Variants in GRIK4 observed in about 807,000 individuals in gnomAD.
GRIK4 encodes glutamate ionotropic receptor kainate type subunit 4, also known as glutamate receptor ionotropic, kainate 4.
Under a neutral mutation model 104.9 loss-of-function variants are expected in GRIK4, and 40 were observed. The ratio of observed to expected loss-of-function variants is 0.38; its 90% CI spans 0.30 to 0.50. GRIK4 has a LOEUF of 0.50. GRIK4 is among the 20% of genes least tolerant of loss of function. GRIK4 has a pLI of 0.93. For synonymous variants in GRIK4, 485 were observed against 524.9 expected (o/e 0.92, Z 1.04); for missense variants, 1,047 against 1,308.1 (o/e 0.80, Z 3.08).
intron 3 of GRIK4, among the ~76,000 whole-genome samples, chr11:120,694,853 A>G (rs1262402829): frequency 2.6e-5 from 4 of 152,202 alleles, no homozygotes; most frequent in African/African-American, 4.8e-5. Context: ...AAAGAAGAAG[A>G]CAGGCAAGCA....
In GRIK4 at chr11:120,699,268, G is replaced by C. The variant is rs185922590; in HGVS notation, c.82+38868G>C. ...CTCCAAAGCCTGGATCAAATTGTCTGCTTTAAGGAAAGATCAAACTAGCTC... is the reference window on the plus strand; with the variant it reads ...CTCCAAAGCCTGGATCAAATTGTCTCCTTTAAGGAAAGATCAAACTAGCTC... On this transcript the variant is annotated intron_variant, in intron 3 of 20. Transcript: ENST00000527524. 4.2e-3 allele frequency among the ~76,000 whole-genome samples: 634 copies of C among 152,270 alleles called. 6 individuals carry two copies. Among genetic ancestry groups the C allele is most frequent in the Non-Finnish European group, 6.5e-3 (444 of 68,022 alleles).
At chr11:120,523,917 T>G (rs889250937) in intron 1 of GRIK4, among the ~76,000 whole-genome samples, 1 of 149,584 alleles carries the variant, frequency 6.7e-6, no homozygotes, top group Non-Finnish European at 1.5e-5. Flanking sequence ...GACTGTTTGC[T>G]TCTGCATTCT....
intron 3 of GRIK4, among the ~76,000 whole-genome samples, chr11:120,801,491 T>G (rs1401941645): frequency 6.6e-6 from 1 of 152,156 alleles, no homozygotes; most frequent in Non-Finnish European, 1.5e-5. Context: ...CCTTCCAAAG[T>G]GTTGGGATTA....
At chr11:120,972,732 G>C (rs906371243) in intron 19 of GRIK4, among the ~76,000 whole-genome samples, 1 of 152,132 alleles carries the variant, frequency 6.6e-6, no homozygotes, top group Non-Finnish European at 1.5e-5. Context: ...ACTTGTGCAG[G>C]GGCTGTGGGT....
At chr11:120,534,878 A>T (rs1947957278) in intron 1 of GRIK4, among the ~76,000 whole-genome samples, 1 of 152,128 alleles carries the variant, frequency 6.6e-6, no homozygotes. Flanking sequence ...AGGGATGAAG[A>T]GGTTAGGGTG....
chr11:120,743,801 T>C (rs1951382461), intron 3 of GRIK4, among the ~76,000 whole-genome samples: 1 of 152,258 alleles, frequency 6.6e-6, no homozygotes, highest in Non-Finnish European at 1.5e-5. Context: ...ACAAGTCAGC[T>C]AACGCTGTTG....
Position 120,917,098 on chromosome 11 carries a change from T to C in GRIK4, c.1476+11605T>C, listed in dbSNP as rs772794361. Among the ~76,000 whole-genome samples, 5 of 151,356 alleles carry C rather than the reference T, an allele frequency of 3.3e-5. No individual in the cohort carries two copies. The South Asian group carries it at 6.3e-4, about 19-fold the overall frequency. On this transcript the variant is annotated intron_variant, in intron 13 of 20. Coordinates refer to ENST00000527524, the MANE Select transcript of GRIK4 (RefSeq NM_014619.5). ...TCGTCTCTGATAAAAAATACAAAAA[T>C]TAGCTGGGCATGGTGGCGCATGCCT...
chr11:120,530,144 G>A (rs1468307644), intron 1 of GRIK4, among the ~76,000 whole-genome samples: 3 of 152,238 alleles, frequency 2.0e-5, no homozygotes, highest in Non-Finnish European at 2.9e-5. Flanking sequence ...GTGGAGAAAC[G>A]TCTGCCTTTG....
At chr11:120,926,443 TCA>T (rs1330934358) in intron 13 of GRIK4, among the ~76,000 whole-genome samples, 1 of 152,226 alleles carries the variant, frequency 6.6e-6, no homozygotes, top group South Asian at 2.1e-4. Context: ...TTTTGTGTAT[TCA>T]TTAATTTAAC....
intron 1 of GRIK4, chr11:120,620,059 A>G (rs2135162635): frequency 7.8e-6 from 5 of 641,912 alleles, no homozygotes; most frequent in Middle Eastern, 2.8e-4. Context: ...TACTTTTGAT[A>G]GCACATGTGA....
intron 7 of GRIK4, among the ~76,000 whole-genome samples, chr11:120,833,054 A>G (rs1457248713): frequency 6.6e-6 from 1 of 152,120 alleles, no homozygotes; most frequent in East Asian, 1.9e-4. Flanking sequence ...AGGAGCCCGC[A>G]GACACTCAGA....
intron 14 of GRIK4, among the ~76,000 whole-genome samples, chr11:120,947,921 G>T (rs542843565): frequency 3.9e-5 from 6 of 152,192 alleles, no homozygotes; most frequent in African/African-American, 1.4e-4. Flanking sequence ...CAGCCAGTAA[G>T]TGAAAATAGA....
chr11:120,920,068 C>A (rs1943194356), intron 13 of GRIK4, among the ~76,000 whole-genome samples: 1 of 152,030 alleles, frequency 6.6e-6, no homozygotes, highest in Non-Finnish European at 1.5e-5. Context: ...CCACCCCTGT[C>A]CTCACACTGC....
In GRIK4 at chr11:120,919,191, A is replaced by G. The variant is rs185269385; in HGVS notation, c.1476+13698A>G. The stretch of plus-strand genomic sequence containing the variant: ...AGTTGCCGGCAGAGGGAACGGTGTG[A>G]GGTCTGAAATGTATGCCAAGTTTAA... On this transcript the variant is annotated intron_variant, in intron 13 of 20. Transcript: ENST00000527524. Among the ~76,000 whole-genome samples the G allele has an allele frequency of 2.5e-3, 381 of 151,534 alleles. 2 individuals carry two copies. Among genetic ancestry groups the G allele is most frequent in the African/African-American group, 8.4e-3 (348 of 41,516 alleles).
At position 120,902,267 on chromosome 11, in the gene GRIK4, C is replaced by T. The variant is rs957864068; in HGVS notation, c.1273-3023C>T. Reference sequence around the variant, plus strand: ...ATCAGACCCCGTGTTCAGCGGTTTGCCACATTCTCACCTCGCGTTCACAGC... The same window carrying T: ...ATCAGACCCCGTGTTCAGCGGTTTGTCACATTCTCACCTCGCGTTCACAGC... On this transcript the variant is annotated intron_variant, in intron 12 of 20. Transcript: ENST00000527524. The surrounding 1 kb of genome is among the most constrained non-coding windows in gnomAD (Gnocchi z 4.5). 3.3e-5 allele frequency among the ~76,000 whole-genome samples: 5 copies of T among 152,092 alleles called. No homozygotes were observed. Among genetic ancestry groups the T allele is most frequent in the African/African-American group, 1.2e-4 (5 of 41,408 alleles).
Position 120,518,844 on chromosome 11 carries a change from C to A in GRIK4, c.-159+6957C>A, listed in dbSNP as rs149236689. ...CCATGGACCAGGCTGGTCTCAAACT[C>A]GTGACCTCAGGTGATCCGCCGGCCT... is the stretch of plus-strand genomic sequence containing the variant. On this transcript the variant is annotated intron_variant, in intron 1 of 20. Coordinates refer to ENST00000527524, the MANE Select transcript of GRIK4 (RefSeq NM_014619.5). Among the ~76,000 whole-genome samples, 3 of 152,278 alleles carry A rather than the reference C, an allele frequency of 2.0e-5. No homozygotes were observed. The East Asian group carries it at 5.8e-4, about 29-fold the overall frequency.
At chr11:120,645,310 G>A (rs931282144) in intron 1 of GRIK4, among the ~76,000 whole-genome samples, 3 of 152,220 alleles carry the variant, frequency 2.0e-5, no homozygotes, top group Non-Finnish European at 4.4e-5. Flanking sequence ...TGTGCCGGGT[G>A]ACTGATGTCT....
intron 14 of GRIK4, among the ~76,000 whole-genome samples, chr11:120,941,733 G>T (rs1168213544): frequency 6.6e-6 from 1 of 152,118 alleles, no homozygotes; most frequent in East Asian, 1.9e-4. Context: ...CAAGCCAAGG[G>T]ACACCGGGTA....
intron 2 of GRIK4, among the ~76,000 whole-genome samples, chr11:120,656,886 C>T (rs1357496077): frequency 1.3e-5 from 2 of 152,198 alleles, no homozygotes; most frequent in African/African-American, 2.4e-5. Flanking sequence ...ATCCACCAGT[C>T]TTTGGGGCCA....
Sources: allele counts gnomAD v4.1 joint callset (sites outside exome capture counted in the v4.1 genomes callset), GRCh38; gene constraint gnomAD v4.1.1; non-coding constraint Gnocchi (gnomAD v3.1); transcripts MANE v1.5; gene names NCBI Gene and HGNC (gene_info 2026-07-23, HGNC 2026-07-21).